Variants in RLF observed in about 807,000 individuals in gnomAD.
RLF encodes RLF zinc finger.
In RLF, 7 loss-of-function variants were observed where a neutral mutation model predicts 162.9. That is an observed-to-expected ratio of 0.04 (90% CI 0.02 to 0.08). The LOEUF (loss-of-function observed/expected upper bound fraction) is 0.08. Ranked by LOEUF, RLF falls within the 10% of genes least tolerant of loss-of-function variation. The pLI, the probability that RLF is intolerant of heterozygous loss-of-function variation, is 1.00. For synonymous variants in RLF, 782 were observed against 791.5 expected, an observed-to-expected ratio of 0.99 and a Z score of 0.20; for missense variants, 1,664 against 2,244.7, an observed-to-expected ratio of 0.74 and a Z score of 5.23.
chr1:40,192,901 C>T (rs1205686481), intron 3 of RLF, among the ~76,000 whole-genome samples: 1 of 151,792 alleles, frequency 6.6e-6, no homozygotes, highest in Non-Finnish European at 1.5e-5. Context: ...AAAATATACA[C>T]TCTGCAAATG....
intron 5 of RLF, among the ~76,000 whole-genome samples, chr1:40,209,843 A>C (rs903081383): frequency 6.6e-6 from 1 of 150,550 alleles, no homozygotes; most frequent in Non-Finnish European, 1.5e-5. Context: ...TGCCATTTGC[A>C]CTCGAGCTGG....
chr1:40,179,546 C>G (rs1322446795), intron 1 of RLF, among the ~76,000 whole-genome samples: 2 of 143,408 alleles, frequency 1.4e-5, no homozygotes, highest in East Asian at 4.1e-4. Flanking sequence ...AAAGTTAACT[C>G]TTTTTTTTTT....
chr1:40,240,312 C>T lies in RLF; in HGVS notation c.5610C>T (p.Asp1870=). 6.2e-7 allele frequency: 1 copy of T among 1,614,182 alleles called. No individual in the cohort carries two copies. Among genetic ancestry groups the T allele is most frequent in the Non-Finnish European group, 8.5e-7 (1 of 1,180,026 alleles). ...TTGTATTGGACAAAGCATTAACAGA[C>T]TGTGGAGAGCTTGCCTTAAAACAGC... is the stretch of plus-strand genomic sequence containing the variant. The part of the protein sequence containing the change: ...LRVVLDKALT[D]CGELALKQLH... Residue 1870 remains aspartate (D), a synonymous_variant, in exon 8 of 8, where the codon GAC becomes GAT. Coordinates refer to ENST00000372771, the MANE Select transcript of RLF (RefSeq NM_012421.4).
chr1:40,202,862 T>G (rs1642736931), intron 5 of RLF, among the ~76,000 whole-genome samples: 1 of 152,194 alleles, frequency 6.6e-6, no homozygotes, highest in Non-Finnish European at 1.5e-5. Context: ...GATGATTTGC[T>G]GTGAAATCTT....
chr1:40,227,776 A>G (rs7546575), intron 6 of RLF, among the ~76,000 whole-genome samples: 48,946 of 151,910 alleles, frequency 0.32, 9,190 homozygotes, highest in African/African-American at 0.52. Flanking sequence ...AGGCCAGGGC[A>G]GGTGGATCAT....
chr1:40,222,637 G>A lies in RLF; in HGVS notation c.874G>A (p.Asp292Asn), dbSNP rs1643014720. ...IICNLESEGQ[D>N]NTAFVLCTTY... ...TTGTAATCTGGAATCTGAGGGGCAGGATAACACAGCATTTGTTCTTTGTAC... is the reference window on the plus strand; with the variant it reads ...TTGTAATCTGGAATCTGAGGGGCAGAATAACACAGCATTTGTTCTTTGTAC... Residue 292 changes from aspartate (D) to asparagine (N), a missense_variant, in exon 6 of 8, where the codon GAT becomes AAT. Transcript: ENST00000372771. The A allele has an allele frequency of 5.6e-6, 9 of 1,613,486 alleles. No individual in the cohort carries two copies. The highest frequency in any genetic ancestry group is 7.6e-6 in the Non-Finnish European group (9 of 1,179,758).
At chr1:40,186,586 T>C (rs191559794) in intron 1 of RLF, among the ~76,000 whole-genome samples, 4 of 152,342 alleles carry the variant, frequency 2.6e-5, no homozygotes, top group African/African-American at 9.6e-5. Context: ...TAACCCCATC[T>C]GTATGCACTC....
intron 1 of RLF, among the ~76,000 whole-genome samples, chr1:40,166,606 G>A (rs1039147143): frequency 2.6e-5 from 4 of 152,012 alleles, no homozygotes; most frequent in Non-Finnish European, 4.4e-5. Context: ...AACCAACCCA[G>A]ATGTCCATCA....
chr1:40,235,809 T>C lies in RLF; in HGVS notation c.1107T>C (p.Leu369=), dbSNP rs1467418859. 3.1e-6 allele frequency: 5 copies of C among 1,592,180 alleles called. No individual in the cohort carries two copies. The African/African-American group carries it at 5.4e-5, about 17-fold the overall frequency. ...VIQTEAQDAG[L]GVSILLCVRA... ...ACTTACAGGCACAAGATGCTGGTCT[T>C]GGGGTGTCAATTTTACTGTGTGTCA... is the stretch of plus-strand genomic sequence containing the variant. Residue 369 remains leucine (L), a synonymous_variant, in exon 8 of 8, where the codon CTT becomes CTC. Coordinates refer to ENST00000372771, the MANE Select transcript of RLF (RefSeq NM_012421.4).
chr1:40,203,418 C>T (rs1321315681), intron 5 of RLF, among the ~76,000 whole-genome samples: 2 of 151,768 alleles, frequency 1.3e-5, no homozygotes, highest in Non-Finnish European at 2.9e-5. Flanking sequence ...TGGTGGGCGC[C>T]TGTAATCCCA....
At chr1:40,221,899 C>CAAAAAA (rs895455745) in intron 5 of RLF, among the ~76,000 whole-genome samples, 828 of 65,002 alleles carry the variant, frequency 0.013, 71 homozygotes, top group African/African-American at 0.046. Flanking sequence ...GACTCCGTCT[C>CAAAAAA]AAAAAAAAAA....
chr1:40,211,179 C>A (rs1331991791), intron 5 of RLF, among the ~76,000 whole-genome samples: 1 of 152,228 alleles, frequency 6.6e-6, no homozygotes, highest in Non-Finnish European at 1.5e-5. Flanking sequence ...TATTTGCTAA[C>A]CTCTGCTCTA....
chr1:40,234,478 T>C (rs1643193057), intron 7 of RLF, among the ~76,000 whole-genome samples: 1 of 152,256 alleles, frequency 6.6e-6, no homozygotes, highest in Admixed American at 6.5e-5. Flanking sequence ...ATTAAATGCC[T>C]GGCAAATTGT....
chr1:40,227,832 G>A (rs576580545), intron 6 of RLF, among the ~76,000 whole-genome samples: 12 of 152,112 alleles, frequency 7.9e-5, no homozygotes, highest in African/African-American at 2.7e-4. Flanking sequence ...CTGAAACCCC[G>A]TCTCCACTAA....
intron 6 of RLF, among the ~76,000 whole-genome samples, chr1:40,227,392 A>G (rs896297533): frequency 3.3e-5 from 5 of 152,146 alleles, no homozygotes; most frequent in African/African-American, 4.8e-5. Flanking sequence ...AACTTATCCT[A>G]GCGCATGTTT....
intron 5 of RLF, among the ~76,000 whole-genome samples, chr1:40,210,703 GA>G (rs910429736): frequency 8.5e-5 from 13 of 152,168 alleles, no homozygotes; most frequent in African/African-American, 2.9e-4. Flanking sequence ...CAAAGGACAG[GA>G]CTTGCTGACC....
intron 4 of RLF, 100 bp from the exon 5 acceptor site, chr1:40,202,312 T>C: frequency 1.4e-6 from 1 of 738,900 alleles, no homozygotes; most frequent in Admixed American, 3.5e-5. Context: ...AAATTTTTAT[T>C]AACTAAAAAT....
At chr1:40,211,535 A>C (rs1328092605) in intron 5 of RLF, among the ~76,000 whole-genome samples, 1 of 152,214 alleles carries the variant, frequency 6.6e-6, no homozygotes, top group Non-Finnish European at 1.5e-5. Flanking sequence ...ACCAATGCAA[A>C]ACATTTAGTA....
intron 1 of RLF, among the ~76,000 whole-genome samples, chr1:40,170,983 T>C (rs946624631): frequency 1.3e-5 from 2 of 151,898 alleles, no homozygotes; most frequent in Non-Finnish European, 2.9e-5. Flanking sequence ...TAGCAGCTTA[T>C]GGTGCTGACA....
Sources: gnomAD v4.1 joint callset for allele counts (sites outside exome capture counted in the v4.1 genomes callset) on GRCh38, gnomAD v4.1.1 for gene constraint, MANE v1.5 for transcripts, NCBI Gene and HGNC (gene_info 2026-07-23, HGNC 2026-07-21) for gene names.